Variants in RPS6KA6 observed in about 807,000 individuals in gnomAD.
The protein encoded by RPS6KA6 is ribosomal protein S6 kinase alpha-6.
RPS6KA6 carries 27 observed loss-of-function variants against 65.4 expected under a neutral mutation model. That is an observed-to-expected ratio of 0.41 (90% CI 0.30 to 0.57). The LOEUF is 0.57. Ranked by LOEUF, RPS6KA6 falls within the 20% of genes least tolerant of loss-of-function variation. RPS6KA6 has a pLI of 0.24. For missense variants in RPS6KA6, 486 were observed against 555.6 expected (o/e 0.87, Z 1.26); for synonymous variants, 190 against 184.2 (o/e 1.03, Z -0.26).
At chrX:84,136,604 T>C in intron 6 of RPS6KA6, among the ~76,000 whole-genome samples, 1 of 111,309 alleles carries the variant, frequency 9.0e-6, no homozygotes, top group Non-Finnish European at 1.9e-5. Flanking sequence ...TGAAAGCTAA[T>C]ACGTAAGAAA....
intron 15 of RPS6KA6, 103 bp from the exon 16 acceptor site, chrX:84,105,979 T>G (rs1013576166): frequency 9.1e-6 from 4 of 441,230 alleles, no homozygotes; most frequent in Non-Finnish European, 1.6e-5. Flanking sequence ...GCTTAAAAAC[T>G]CAAGAACAAT....
In RPS6KA6 at chrX:84,103,684, G is replaced by C. The variant is rs183494466; in HGVS notation, c.1614+815C>G. ...AATTCTCTTCATGCTTTATTTTAGAGAGGGTTGGTAAAGACAATCAAATAA... is the reference window on the plus strand; with the variant it reads ...AATTCTCTTCATGCTTTATTTTAGACAGGGTTGGTAAAGACAATCAAATAA... On this transcript the variant is annotated intron_variant, in intron 17 of 21. Transcript: ENST00000262752. 1.5e-3 allele frequency among the ~76,000 whole-genome samples: 169 copies of C among 110,957 alleles called. 1 individual carries two copies. The highest frequency in any genetic ancestry group is 5.1e-3 in the African/African-American group (156 of 30,731).
chrX:84,172,927 T>C (rs763443376), intron 1 of RPS6KA6, among the ~76,000 whole-genome samples: 1 of 110,771 alleles, frequency 9.0e-6, no homozygotes, highest in Non-Finnish European at 1.9e-5. Flanking sequence ...TTCATAGAGA[T>C]GGAAAGTAGA....
Position 84,182,059 on chromosome X carries a change from T to A in RPS6KA6, c.81+5760A>T, listed in dbSNP as rs112190674. 7.1e-3 allele frequency among the ~76,000 whole-genome samples: 533 copies of A among 75,528 alleles called. 3 individuals are homozygous for A. The highest frequency in any genetic ancestry group is 0.028 in the African/African-American group (512 of 18,361). The allele number at this position is 75,528 out of a possible 115,157, so 65.6% of individuals were successfully genotyped here. Reference sequence around the variant, plus strand: ...CTGTCTCTCTCTCTCTCTCTCTCTCTCTCTCACACACACACACACACACAC... The same window carrying A: ...CTGTCTCTCTCTCTCTCTCTCTCTCACTCTCACACACACACACACACACAC... On this transcript the variant is annotated intron_variant, in intron 1 of 21. Coordinates refer to ENST00000262752, the MANE Select transcript of RPS6KA6 (RefSeq NM_014496.5).
chrX:84,065,688 A>C (rs2033385249), intron 20 of RPS6KA6, among the ~76,000 whole-genome samples: 1 of 111,689 alleles, frequency 9.0e-6, no homozygotes, highest in African/African-American at 3.2e-5. Context: ...CAATTAAAAA[A>C]GTTGTAAATT....
intron 1 of RPS6KA6, among the ~76,000 whole-genome samples, chrX:84,185,230 C>G (rs188035085): frequency 1.6e-3 from 181 of 111,224 alleles, no homozygotes; most frequent in African/African-American, 5.8e-3. Context: ...TGCAAGAGCT[C>G]TCACAATCAG....
chrX:84,087,874 C>T (rs978949444), intron 20 of RPS6KA6, among the ~76,000 whole-genome samples: 10 of 111,815 alleles, frequency 8.9e-5, no homozygotes, highest in Non-Finnish European at 1.7e-4. Flanking sequence ...TTTCTCTATT[C>T]TTGTTTGCCT....
At chrX:84,106,837 G>A (rs907502299) in intron 14 of RPS6KA6, 73 bp downstream of exon 14, 49 of 850,689 alleles carry the variant, frequency 5.8e-5, no homozygotes, top group Non-Finnish European at 7.4e-5. Context: ...TAAAAAAAAC[G>A]ATTAAAAATA....
intron 5 of RPS6KA6, among the ~76,000 whole-genome samples, chrX:84,146,311 G>T (rs1168384982): frequency 2.7e-5 from 3 of 111,243 alleles, no homozygotes; most frequent in African/African-American, 3.3e-5. Context: ...TGTATTATTT[G>T]TCAAAATTAC....
At chrX:84,138,870 G>A (rs1416789155) in intron 6 of RPS6KA6, among the ~76,000 whole-genome samples, 1 of 106,822 alleles carries the variant, frequency 9.4e-6, no homozygotes, top group Non-Finnish European at 1.9e-5. Context: ...AATTTGGGTA[G>A]GTATCTTTCC....
intron 1 of RPS6KA6, among the ~76,000 whole-genome samples, chrX:84,177,248 A>AT (rs1170310978): frequency 8.9e-6 from 1 of 111,882 alleles, no homozygotes; most frequent in Non-Finnish European, 1.9e-5. Flanking sequence ...ACAATAGTTG[A>AT]TTTTTTTAAC....
intron 20 of RPS6KA6, among the ~76,000 whole-genome samples, chrX:84,065,743 AATACTTTTAAAT>A (rs1186597483): frequency 7.1e-5 from 8 of 112,292 alleles, no homozygotes; most frequent in African/African-American, 2.3e-4. Flanking sequence ...TAAGAGATGT[AATACTTTTAAAT>A]AAACTGTCTC....
intron 2 of RPS6KA6, among the ~76,000 whole-genome samples, chrX:84,162,765 T>C (rs1218382907): frequency 8.9e-6 from 1 of 112,073 alleles, no homozygotes; most frequent in Non-Finnish European, 1.9e-5. Flanking sequence ...TAGTTCCTTA[T>C]ACTCCTTTAT....
At chrX:84,182,038 C>CTCTG (rs1334709623) in intron 1 of RPS6KA6, among the ~76,000 whole-genome samples, 1 of 12,728 alleles carries the variant, frequency 7.9e-5, no homozygotes, top group Non-Finnish European at 2.1e-4. Context: ...CTTTCTCTGT[C>CTCTG]TCTCTCTCTC....
chrX:84,112,878 T>C lies in RPS6KA6; in HGVS notation c.1008+3351A>G, dbSNP rs190665639. Among the ~76,000 whole-genome samples, 11 of 111,897 alleles carry C rather than the reference T, an allele frequency of 9.8e-5. No individual in the cohort carries two copies. In the East Asian group the frequency reaches 1.1e-3, roughly 11 times the overall value. ...AAGGATCAACAAAATGAGAAGCTGG[T>C]TCTTTGAAATAATAAACAAAGTTGA... On this transcript the variant is annotated intron_variant, in intron 12 of 21. Transcript: ENST00000262752.
intron 2 of RPS6KA6, among the ~76,000 whole-genome samples, chrX:84,157,235 A>G (rs1422570084): frequency 1.8e-5 from 2 of 111,385 alleles, no homozygotes; most frequent in Non-Finnish European, 3.8e-5. Context: ...CAAGGGGGGT[A>G]CCTAGGCAAA....
At position 84,063,623 on chromosome X, in the gene RPS6KA6, A is replaced by G. The variant is rs1324975047; in HGVS notation, c.*654T>C. 8.9e-6 allele frequency: 1 copy of G among 111,885 alleles called. No homozygotes were observed. The highest frequency in any genetic ancestry group is 1.9e-5 in the Non-Finnish European group (1 of 53,135). The allele number at this position is 111,885 out of a possible 1,213,427, so 9.2% of individuals were successfully genotyped here. A position where few individuals can be genotyped will look rare whatever the true frequency, so the allele number is the denominator to read the frequency against. On this transcript the variant is annotated 3_prime_UTR_variant, in exon 22 of 22. Transcript: ENST00000262752. ...TTCTAAATGAGGCCACTTATTATGGATAATATACAGATCTGCCTGCACACA... is the reference window on the plus strand; with the variant it reads ...TTCTAAATGAGGCCACTTATTATGGGTAATATACAGATCTGCCTGCACACA...
chrX:84,181,546 C>A (rs928734217), intron 1 of RPS6KA6, among the ~76,000 whole-genome samples: 2 of 111,775 alleles, frequency 1.8e-5, no homozygotes, highest in Non-Finnish European at 3.8e-5. Context: ...AATTAATATT[C>A]TTTTTTTCCT....
At chrX:84,163,645 CAAA>C (rs1184307765) in intron 2 of RPS6KA6, among the ~76,000 whole-genome samples, 2 of 46,987 alleles carry the variant, frequency 4.3e-5, no homozygotes, top group Non-Finnish European at 3.7e-5. Context: ...GACTCCGTCT[CAAA>C]AAAAAAAAAA....
Sources: gnomAD v4.1 joint callset for allele counts (sites outside exome capture counted in the v4.1 genomes callset) on GRCh38, gnomAD v4.1.1 for gene constraint, MANE v1.5 for transcripts, NCBI Gene and HGNC (gene_info 2026-07-23, HGNC 2026-07-21) for gene names.